The following DSE variants were observed in gnomAD, a reference collection of about 807,000 sequenced individuals.
The protein encoded by DSE is dermatan sulfate epimerase, also known as dermatan-sulfate epimerase.
In DSE, 36 loss-of-function variants were observed where a neutral mutation model predicts 84.4. The observed-to-expected ratio is 0.43, with a 90% CI of 0.33 to 0.56. The LOEUF is 0.56. Among genes scored for constraint, DSE ranks in the 20% least tolerant of loss-of-function variants. The pLI is 0.06. For missense variants in DSE, 862 were observed against 1,169.6 expected (o/e 0.74, Z 3.84); for synonymous variants, 410 against 430.1 (o/e 0.95, Z 0.58).
intron 3 of DSE, 106 bp from the exon 4 acceptor site, chr6:116,430,848 T>C (rs1783786934): frequency 6.8e-7 from 1 of 1,478,310 alleles, no homozygotes; most frequent in Non-Finnish European, 9.0e-7. Context: ...AAACGCGATT[T>C]GTAATATAAA....
chr6:116,267,420 T>A lies in DSE; in HGVS notation c.-54+8453T>A, dbSNP rs141374335. Among the ~76,000 whole-genome samples the A allele has an allele frequency of 6.8e-3, 1,030 of 151,836 alleles. 21 individuals are homozygous for A. Among genetic ancestry groups the A allele is most frequent in the South Asian group, 0.05 (238 of 4,808 alleles). On this transcript the variant is annotated intron_variant, in intron 2 of 3. Transcript: ENST00000430252. ...AATGTGTGTGTTTGTGTCTTCATTT[T>A]TAACAAAAAAGTTTAAAAAGTTGAA...
chr6:116,267,186 A>G (rs1582910910), intron 2 of DSE, among the ~76,000 whole-genome samples: 2 of 152,266 alleles, frequency 1.3e-5, no homozygotes, highest in Admixed American at 1.3e-4. Flanking sequence ...GTGATTGTAG[A>G]GGATACTCTT....
intron 1 of DSE, among the ~76,000 whole-genome samples, chr6:116,397,373 A>G (rs1157892946): frequency 6.6e-6 from 1 of 151,542 alleles, no homozygotes; most frequent in Non-Finnish European, 1.5e-5. Flanking sequence ...CACCTGGCTA[A>G]TTTTTGTATT....
chr6:116,425,197 G>A (rs1268189946), intron 2 of DSE, among the ~76,000 whole-genome samples: 1 of 152,126 alleles, frequency 6.6e-6, no homozygotes, highest in Non-Finnish European at 1.5e-5. Context: ...TTTTAAATAT[G>A]TGTATTGATA....
At position 116,436,821 on chromosome 6, in the gene DSE, C is replaced by G; in HGVS notation, c.2353C>G (p.Gln785Glu). Residue 785 changes from glutamine (Q) to glutamate (E), a missense_variant, in exon 6 of 6, where the codon CAG becomes GAG. By Grantham distance (29) the Gln-to-Glu change is conservative (BLOSUM62 2). This residue lies in a region of DSE where 315 missense variants were observed against 348.1 expected (regional missense o/e 0.90). Coordinates refer to ENST00000644252, the MANE Select transcript of DSE (RefSeq NM_013352.4). ...ERLLRFSDKRQTEEAIDRIFA... is the reference protein window; with the variant it reads ...ERLLRFSDKRETEEAIDRIFA... ...CCTGCTGAGATTTTCAGATAAGAGACAGACTGAGGAGGCCATTGACAGGAT... is the reference window on the plus strand; with the variant it reads ...CCTGCTGAGATTTTCAGATAAGAGAGAGACTGAGGAGGCCATTGACAGGAT... The G allele has an allele frequency of 2.5e-6, 4 of 1,614,108 alleles. No homozygotes were observed. The highest frequency in any genetic ancestry group is 1.1e-5 in the South Asian group (1 of 91,082).
intron 2 of DSE, among the ~76,000 whole-genome samples, chr6:116,408,739 A>T (rs1782102526): frequency 6.6e-6 from 1 of 152,154 alleles, no homozygotes; most frequent in African/African-American, 2.4e-5. Context: ...AGAATCTCAG[A>T]TTACCTGGTC....
At chr6:116,382,037 CTGTG>C (rs58610779) in intron 1 of DSE, among the ~76,000 whole-genome samples, 2,449 of 144,774 alleles carry the variant, frequency 0.017, 65 homozygotes, top group African/African-American at 0.054. Flanking sequence ...ACATGGCATT[CTGTG>C]TGTGTGTGTG....
chr6:116,441,572 A>AC lies in DSE; in HGVS notation c.*4227_*4228insC, dbSNP rs1353574580. 6.6e-6 allele frequency: 1 copy of AC among 152,220 alleles called. No individual in the cohort carries two copies. Among genetic ancestry groups the AC allele is most frequent in the African/African-American group, 2.4e-5 (1 of 41,446 alleles). 9.4% of individuals were successfully genotyped at this position (152,220 alleles called of 1,614,324 possible). ...CCATTCTTTATACTTATTGGAAGAT[A>AC]ATAGGTGCTATGGAAGGAAAAGTCA... On this transcript the variant is annotated 3_prime_UTR_variant, in exon 6 of 6. Transcript: ENST00000644252.
At chr6:116,408,189 T>C (rs143104742) in intron 2 of DSE, among the ~76,000 whole-genome samples, 164 of 152,344 alleles carry the variant, frequency 1.1e-3, no homozygotes, top group Non-Finnish European at 2.1e-3. Context: ...GTACATCTTC[T>C]AGATTCGGCT....
chr6:116,422,592 A>T (rs527423667), intron 2 of DSE, among the ~76,000 whole-genome samples: 2 of 152,344 alleles, frequency 1.3e-5, no homozygotes, highest in East Asian at 3.9e-4. Context: ...AAAGATGTAT[A>T]CTCAAAGAGT....
At chr6:116,344,438 G>A (rs370860900) in intron 2 of DSE, among the ~76,000 whole-genome samples, 12 of 152,270 alleles carry the variant, frequency 7.9e-5, no homozygotes, top group Admixed American at 3.9e-4. Flanking sequence ...CGGATCTCTC[G>A]GCAGAAACTC....
chr6:116,264,665 A>G (rs1326192075), intron 2 of DSE, among the ~76,000 whole-genome samples: 2 of 152,118 alleles, frequency 1.3e-5, no homozygotes, highest in Non-Finnish European at 2.9e-5. Flanking sequence ...TTGAGTTGTC[A>G]GGGTTCTTGT....
At chr6:116,308,849 T>A (rs2114724814) in intron 2 of DSE, among the ~76,000 whole-genome samples, 1 of 152,242 alleles carries the variant, frequency 6.6e-6, no homozygotes, top group East Asian at 1.9e-4. Flanking sequence ...AGCTAATTTT[T>A]TGTGCTGGGA....
intron 2 of DSE, among the ~76,000 whole-genome samples, chr6:116,322,577 C>G (rs1209928137): frequency 6.6e-6 from 1 of 150,756 alleles, no homozygotes; most frequent in Non-Finnish European, 1.5e-5. Context: ...TAAGATTTAC[C>G]TTTGGGACCT....
At chr6:116,387,659 T>C (rs519604) in intron 1 of DSE, among the ~76,000 whole-genome samples, 81,413 of 152,050 alleles carry the variant, frequency 0.54, 22,679 homozygotes, top group African/African-American at 0.66. Context: ...ACTCACTGAA[T>C]AATGCTGGGT....
intron 1 of DSE, among the ~76,000 whole-genome samples, chr6:116,374,004 A>G (rs1386792413): frequency 6.6e-6 from 1 of 152,232 alleles, no homozygotes; most frequent in Non-Finnish European, 1.5e-5. Context: ...CTTTGTTTTC[A>G]AAAAGGAACT....
chr6:116,351,488 TTATAA>T lies in DSE; in HGVS notation c.-53-47705_-53-47701del, dbSNP rs1194592177. 8.5e-5 allele frequency among the ~76,000 whole-genome samples: 13 copies of T among 152,312 alleles called. No homozygotes were observed. In the East Asian group the frequency reaches 1.7e-3, roughly 20 times the overall value. Reference sequence around the variant, plus strand: ...CCCTAGGAACCATCTTTATAGTTGATTATAATATATTTTTATTGGCTGAATATATC... The same window carrying T: ...CCCTAGGAACCATCTTTATAGTTGATTATATTTTTATTGGCTGAATATATC... On this transcript the variant is annotated intron_variant, in intron 2 of 3. Transcript: ENST00000430252.
intron 2 of DSE, among the ~76,000 whole-genome samples, chr6:116,281,322 G>A (rs916004829): frequency 2.0e-5 from 3 of 152,164 alleles, no homozygotes; most frequent in African/African-American, 7.2e-5. Context: ...AACACCTTGA[G>A]GTTATTACCT....
upstream of DSE, chr6:116,366,713 G>T (rs1779183609): frequency 6.6e-6 from 1 of 152,220 alleles, no homozygotes; most frequent in Non-Finnish European, 1.5e-5. Context: ...TCTAGGCCAA[G>T]TGGTTTAGTG....
Sources: gnomAD v4.1 joint callset for allele counts (sites outside exome capture counted in the v4.1 genomes callset) on GRCh38, gnomAD v4.1.1 for gene constraint, gnomAD v4.1.1 regional missense constraint, MANE v1.5 for transcripts, NCBI Gene and HGNC (gene_info 2026-07-23, HGNC 2026-07-21) for gene names.